Variants in ZNF652 observed in about 807,000 individuals in gnomAD.
The protein encoded by ZNF652 is zinc finger protein 652.
A neutral mutation model predicts 45.2 loss-of-function variants in ZNF652; 16 were observed. The observed-to-expected ratio is 0.35, with a 90% CI of 0.24 to 0.54. The LOEUF (loss-of-function observed/expected upper bound fraction) is 0.54, where lower values mean the gene tolerates loss of function less well. Among genes scored for constraint, ZNF652 ranks in the 20% least tolerant of loss-of-function variants. The probability of loss-of-function intolerance (pLI) is 0.91; values close to 1 mark genes in which losing one functional copy is unlikely to be tolerated. For missense variants in ZNF652, 614 were observed against 765.6 expected, an observed-to-expected ratio of 0.80 and a Z score of 2.34; for synonymous variants, 250 against 260.6, an observed-to-expected ratio of 0.96 and a Z score of 0.39.
chr17:49,353,496 A>G (rs1205002842), intron 1 of ZNF652, among the ~76,000 whole-genome samples: 1 of 151,436 alleles, frequency 6.6e-6, no homozygotes, highest in Non-Finnish European at 1.5e-5. Flanking sequence ...TTTTTTTTTG[A>G]GACAGAGTCT....
At chr17:49,359,099 C>T (rs1326425293) in intron 1 of ZNF652, among the ~76,000 whole-genome samples, 1 of 152,126 alleles carries the variant, frequency 6.6e-6, no homozygotes, top group African/African-American at 2.4e-5. Flanking sequence ...AATACTAAAT[C>T]AAGGAAGCAC....
rs533439557 is a variant in ZNF652 at position 49,354,720 on chromosome 17, A to ATTTCTT, written c.-259+7183_-259+7188dup. Among the ~76,000 whole-genome samples, 166 of 151,952 alleles carry ATTTCTT rather than the reference A, an allele frequency of 1.1e-3. 1 individual carries two copies. The highest frequency in any genetic ancestry group is 1.8e-3 in the Non-Finnish European group (121 of 67,916). Reference sequence around the variant, plus strand: ...TACTATTCTGAAAGTTACCTAGCTTATTTCTTTTTCTTTTTCTTTTTTTTG... The same window carrying ATTTCTT: ...TACTATTCTGAAAGTTACCTAGCTTATTTCTTTTTCTTTTTCTTTTTCTTTTTTTTG... On this transcript the variant is annotated intron_variant, in intron 1 of 5. Transcript: ENST00000430262.
At chr17:49,355,236 T>TTTTTTTTTTTTTTTTTTTTTG (rs2070323087) in intron 1 of ZNF652, among the ~76,000 whole-genome samples, 1 of 152,172 alleles carries the variant, frequency 6.6e-6, no homozygotes, top group South Asian at 2.1e-4. Flanking sequence ...AAAAAACTTT[T>TTTTTTTTTTTTTTTTTTTTTG]AATAATTAAT....
At chr17:49,298,985 T>C (rs77158561) in intron 5 of ZNF652, 61 bp from the exon 6 acceptor site, 1 of 552,174 alleles carries the variant, frequency 1.8e-6, no homozygotes, top group Non-Finnish European at 2.5e-6. Context: ...GTGCTCAAGC[T>C]TTTTTTTTTT....
chr17:49,313,721 C>T (rs1286862970), intron 2 of ZNF652, among the ~76,000 whole-genome samples: 2 of 150,668 alleles, frequency 1.3e-5, no homozygotes, highest in South Asian at 4.2e-4. Flanking sequence ...GCCTATAATC[C>T]CAGCATTTCG....
chr17:49,313,241 C>T (rs1010507321), intron 2 of ZNF652, among the ~76,000 whole-genome samples: 10 of 152,130 alleles, frequency 6.6e-5, no homozygotes, highest in African/African-American at 7.2e-5. Flanking sequence ...CTGCAACCTC[C>T]ACCTCCCGGG....
chr17:49,317,721 C>T lies in ZNF652; in HGVS notation c.5G>A (p.Ser2Asn). MSHTASSCQELV... is the reference protein window; with the variant it reads MNHTASSCQELV... ...CTCCTGACAAGAACTGGCTGTGTGGCTCATTGGTAAGTGGCCCAATTTATT... is the reference window on the plus strand; with the variant it reads ...CTCCTGACAAGAACTGGCTGTGTGGTTCATTGGTAAGTGGCCCAATTTATT... Residue 2 changes from serine to asparagine, a missense_variant, in exon 2 of 6, where the codon AGC becomes AAC. Physicochemically the swap from Ser to Asn is conservative, Grantham distance 46 (BLOSUM62 1). This residue lies in a region of ZNF652 where 133 missense variants were observed against 132.2 expected (regional missense o/e 1.01). Transcript: ENST00000430262. The T allele has an allele frequency of 6.3e-7, 1 of 1,578,774 alleles. No individual in the cohort carries two copies. The highest frequency in any genetic ancestry group is 8.6e-7 in the Non-Finnish European group (1 of 1,158,022).
At chr17:49,303,527 A>G (rs1370859652) in intron 5 of ZNF652, among the ~76,000 whole-genome samples, 1 of 152,134 alleles carries the variant, frequency 6.6e-6, no homozygotes, top group African/African-American at 2.4e-5. Context: ...GGTGTGAGCC[A>G]CTGCGCCTGG....
chr17:49,313,973 CAAAAAAAAAAAAAAAAAAAA>C (rs71144595), intron 2 of ZNF652, among the ~76,000 whole-genome samples: 374 of 22,848 alleles, frequency 0.016, 1 homozygote, highest in Non-Finnish European at 0.021. Flanking sequence ...AACTCCATCT[CAAAAAAAAAAAAAAAAAAAA>C]AAAAAAAAAA....
At chr17:49,357,156 G>A (rs1240351069) in intron 1 of ZNF652, among the ~76,000 whole-genome samples, 2 of 152,058 alleles carry the variant, frequency 1.3e-5, no homozygotes, top group African/African-American at 2.4e-5. Context: ...AAAATTAGCT[G>A]GGCATAATGG....
Position 49,317,219 on chromosome 17 carries a change from A to G in ZNF652, c.507T>C (p.Tyr169=), listed in dbSNP as rs1255923877. The G allele has an allele frequency of 6.2e-7, 1 of 1,613,002 alleles. No homozygotes were observed. The highest frequency in any genetic ancestry group is 8.5e-7 in the Non-Finnish European group (1 of 1,179,962). ...EEEATDDSND[Y]GENEKQKKKE... ...TTTTCTTCTGCTTTTCATTCTCTCC[A>G]TAGTCATTGCTGTCATCTGTGGCCT... Residue 169 remains tyrosine (Y), a synonymous_variant, in exon 2 of 6, where the codon TAT becomes TAC. Transcript: ENST00000430262.
chr17:49,351,399 T>G (rs1312577675), intron 1 of ZNF652, among the ~76,000 whole-genome samples: 1 of 151,982 alleles, frequency 6.6e-6, no homozygotes, highest in Non-Finnish European at 1.5e-5. Flanking sequence ...ACAAGAACAT[T>G]CATTATAGCA....
intron 1 of ZNF652, among the ~76,000 whole-genome samples, chr17:49,334,341 G>A (rs1242296223): frequency 6.6e-6 from 1 of 152,058 alleles, no homozygotes; most frequent in Non-Finnish European, 1.5e-5. Flanking sequence ...AAAATTAGCT[G>A]GGTGTAGCGG....
At chr17:49,307,385 C>T (rs1483306355) in intron 5 of ZNF652, among the ~76,000 whole-genome samples, 8 of 131,716 alleles carry the variant, frequency 6.1e-5, no homozygotes, top group African/African-American at 5.7e-5. Flanking sequence ...GAACCGAGAT[C>T]GGGCCATTGC....
chr17:49,359,554 A>G (rs1288630819), intron 1 of ZNF652, among the ~76,000 whole-genome samples: 3 of 152,228 alleles, frequency 2.0e-5, no homozygotes, highest in Admixed American at 2.0e-4. Flanking sequence ...GTAAGCTCCT[A>G]AAGAGCCGGT....
chr17:49,301,374 T>C (rs887602732), intron 5 of ZNF652, among the ~76,000 whole-genome samples: 71 of 152,304 alleles, frequency 4.7e-4, no homozygotes, highest in Middle Eastern at 3.4e-3. Flanking sequence ...CTCAGCTCAC[T>C]GCAGCCTCTG....
chr17:49,342,750 G>A (rs2070162901), intron 1 of ZNF652, among the ~76,000 whole-genome samples: 1 of 152,082 alleles, frequency 6.6e-6, no homozygotes, highest in Non-Finnish European at 1.5e-5. Context: ...ATCTGCTTGT[G>A]AGGAGAAAAC....
chr17:49,302,706 A>C (rs1310237234), intron 5 of ZNF652, among the ~76,000 whole-genome samples: 1 of 152,188 alleles, frequency 6.6e-6, no homozygotes, highest in East Asian at 1.9e-4. Flanking sequence ...TCATGCCTGT[A>C]ATCCCAGCAC....
intron 1 of ZNF652, among the ~76,000 whole-genome samples, chr17:49,342,934 T>G (rs1054191250): frequency 6.6e-6 from 1 of 151,126 alleles, no homozygotes; most frequent in Non-Finnish European, 1.5e-5. Context: ...CAGTCTGGAG[T>G]GCAGTGGCAC....
Sources: allele counts gnomAD v4.1 joint callset (sites outside exome capture counted in the v4.1 genomes callset), GRCh38; gene constraint gnomAD v4.1.1; regional missense constraint gnomAD v4.1.1; transcripts MANE v1.5; gene names NCBI Gene and HGNC (gene_info 2026-07-23, HGNC 2026-07-21).